The following AASDHPPT variants were observed in gnomAD, a reference collection of about 807,000 sequenced individuals.
AASDHPPT encodes L-aminoadipate-semialdehyde dehydrogenase-phosphopantetheinyl transferase.
Under a neutral mutation model 36.4 loss-of-function variants are expected in AASDHPPT, and 23 were observed. That is an observed-to-expected ratio of 0.63 (90% CI 0.45 to 0.89). AASDHPPT has a LOEUF of 0.89. AASDHPPT is among the 40% of genes least tolerant of loss of function. AASDHPPT has a pLI of 0.00. For missense variants in AASDHPPT, 377 were observed against 378.2 expected, an observed-to-expected ratio of 1.00 and a Z score of 0.03; for synonymous variants, 115 against 128.0, an observed-to-expected ratio of 0.90 and a Z score of 0.68.
At chr11:106,088,317 T>C (rs1861218257) in intron 2 of AASDHPPT, among the ~76,000 whole-genome samples, 1 of 152,002 alleles carries the variant, frequency 6.6e-6, no homozygotes, top group Non-Finnish European at 1.5e-5. Context: ...TTGGAGGTTA[T>C]AAAAATAAAA....
intron 5 of AASDHPPT, 93 bp downstream of exon 5, chr11:106,094,747 GT>G: frequency 1.1e-6 from 1 of 922,916 alleles, no homozygotes; most frequent in Non-Finnish European, 1.6e-6. Flanking sequence ...CCTTATATCA[GT>G]TTAGAGAGAT....
At chr11:106,096,590 AAT>A in intron 5 of AASDHPPT, 151 bp from the exon 6 acceptor site, 1 of 526,850 alleles carries the variant, frequency 1.9e-6, no homozygotes, top group Non-Finnish European at 3.1e-6. Context: ...TGGCAACACT[AAT>A]ATAAGAAATA....
chr11:106,095,402 A>G (rs57272976), intron 5 of AASDHPPT, among the ~76,000 whole-genome samples: 2,876 of 152,280 alleles, frequency 0.019, 90 homozygotes, highest in African/African-American at 0.065. Flanking sequence ...TACAGTGTCA[A>G]ACATGTAAGA....
chr11:106,097,500 AAC>A lies in AASDHPPT; in HGVS notation c.*597_*598del, dbSNP rs1312170811. The A allele has an allele frequency of 6.6e-6, 1 of 152,436 alleles. No individual in the cohort carries two copies. The highest frequency in any genetic ancestry group is 2.4e-5 in the African/African-American group (1 of 41,450). 9.4% of individuals were successfully genotyped at this position (152,436 alleles called of 1,614,324 possible). ...AGTAACCTAGGAAATTGTTTGACAT[AAC>A]ACAGGGTTCAGGGGTGTCATTAAAG... is the stretch of plus-strand genomic sequence containing the variant. On this transcript the variant is annotated 3_prime_UTR_variant, in exon 6 of 6. Transcript: ENST00000278618.
chr11:106,079,727 G>C (rs771706564), intron 2 of AASDHPPT, 35 bp downstream of exon 2: 2 of 1,548,054 alleles, frequency 1.3e-6, no homozygotes, highest in Non-Finnish European at 1.8e-6. Flanking sequence ...GCAGTTAAGT[G>C]TCTCGATGCC....
In AASDHPPT at chr11:106,085,315, G is replaced by A. The variant is rs182218260; in HGVS notation, c.410-5242G>A. Among the ~76,000 whole-genome samples the A allele has an allele frequency of 7.7e-3, 1,168 of 151,748 alleles. 21 individuals carry two copies. Among genetic ancestry groups the A allele is most frequent in the African/African-American group, 0.027 (1,100 of 41,356 alleles). On this transcript the variant is annotated intron_variant, in intron 2 of 5. Transcript: ENST00000278618. ...ATGGGGTTTCACTGTGTTAGCCAGG[G>A]TGGTCTTGATCTCCTGACCTCGTGA...
Position 106,080,549 on chromosome 11 carries a change from A to G in AASDHPPT, c.409+857A>G, listed in dbSNP as rs111668068. On this transcript the variant is annotated intron_variant, in intron 2 of 5. Transcript: ENST00000278618. ...ATACAGGTTCTCTTAACTGCTGTAT[A>G]TTTGTCATCATCACTAACATTTAAT... Among the ~76,000 whole-genome samples the G allele has an allele frequency of 1.0e-2, 1,521 of 152,284 alleles. 17 individuals carry two copies. Among genetic ancestry groups the G allele is most frequent in the Middle Eastern group, 0.031 (9 of 292 alleles).
chr11:106,084,534 G>C (rs1861177531), intron 2 of AASDHPPT, among the ~76,000 whole-genome samples: 1 of 152,134 alleles, frequency 6.6e-6, no homozygotes, highest in Admixed American at 6.5e-5. Context: ...CTGGGCTCAA[G>C]TGATCTGCCT....
intron 2 of AASDHPPT, among the ~76,000 whole-genome samples, chr11:106,085,226 A>G (rs976154247): frequency 6.6e-6 from 1 of 152,068 alleles, no homozygotes; most frequent in African/African-American, 2.4e-5. Flanking sequence ...CTCAGCCTCC[A>G]GAGTAGCTGG....
In AASDHPPT at chr11:106,090,616, T is replaced by C. The variant is rs1376501944; in HGVS notation, c.469T>C (p.Trp157Arg). ...GAAAAGAAAGTTTACCAACAAAGAA[T>C]GGGAAACAATCAGAAGCTTTAAGGA... is the stretch of plus-strand genomic sequence containing the variant. ...IMKRKFTNKEWETIRSFKDEW... is the reference protein window; with the variant it reads ...IMKRKFTNKERETIRSFKDEW... The change falls in exon 3 of 6, where the codon TGG (tryptophan) becomes CGG (arginine). Residue 157 changes from tryptophan to arginine, a missense_variant. Coordinates refer to ENST00000278618, the MANE Select transcript of AASDHPPT (RefSeq NM_015423.3). 1.2e-6 allele frequency: 2 copies of C among 1,603,358 alleles called. No homozygotes were observed. Among genetic ancestry groups the C allele is most frequent in the South Asian group, 1.1e-5 (1 of 88,684 alleles).
chr11:106,089,599 A>G (rs1861233685), intron 2 of AASDHPPT: 2 of 152,056 alleles, frequency 1.3e-5, no homozygotes, highest in South Asian at 2.1e-4. Flanking sequence ...ATTTACTTTT[A>G]ATATTAGTTG....
At chr11:106,078,171 G>A (rs935816926) in intron 1 of AASDHPPT, among the ~76,000 whole-genome samples, 45 of 152,238 alleles carry the variant, frequency 3.0e-4, no homozygotes, top group African/African-American at 1.1e-3. Flanking sequence ...CATGAAATAA[G>A]TGTAGGGAAG....
chr11:106,095,737 C>G (rs1271241991), intron 5 of AASDHPPT: 1 of 152,280 alleles, frequency 6.6e-6, no homozygotes, highest in East Asian at 1.9e-4. Flanking sequence ...TACGAGTTCT[C>G]CATAGATTAT....
rs749517181 is a variant in AASDHPPT at position 106,096,454 on chromosome 11, T to C, written c.766-289T>C. The C allele has an allele frequency of 4.4e-5, 10 of 228,512 alleles. No homozygotes were observed. The South Asian group carries it at 6.9e-4, about 16-fold the overall frequency. 14.2% of individuals were successfully genotyped at this position (228,512 alleles called of 1,614,324 possible). A position where few individuals can be genotyped will look rare whatever the true frequency, so the allele number is the denominator to read the frequency against. On this transcript the variant is annotated intron_variant, in intron 5 of 5. Coordinates refer to ENST00000278618, the MANE Select transcript of AASDHPPT (RefSeq NM_015423.3). ...ATTTTGATATCCCTTCTAACTGATA[T>C]GTAGTAAATCACACTTTTTGGATGT...
At chr11:106,079,050 A>T (rs1030458995) in intron 1 of AASDHPPT, among the ~76,000 whole-genome samples, 1 of 152,236 alleles carries the variant, frequency 6.6e-6, no homozygotes, top group Non-Finnish European at 1.5e-5. Context: ...AATATGCTAC[A>T]GTTAAAACTG....
At chr11:106,090,454 C>A in intron 2 of AASDHPPT, 103 bp from the exon 3 acceptor site, 1 of 885,646 alleles carries the variant, frequency 1.1e-6, no homozygotes, top group Non-Finnish European at 1.6e-6. Context: ...TATGGTTGCC[C>A]TTTAGATCTT....
intron 1 of AASDHPPT, 96 bp downstream of exon 1, chr11:106,077,989 GA>G: frequency 7.0e-7 from 1 of 1,437,762 alleles, no homozygotes; most frequent in South Asian, 1.3e-5. Flanking sequence ...CGCTGGCCGC[GA>G]CCCTCTCGCT....
chr11:106,082,288 T>C (rs1861152332), intron 2 of AASDHPPT, among the ~76,000 whole-genome samples: 1 of 152,320 alleles, frequency 6.6e-6, no homozygotes, highest in Non-Finnish European at 1.5e-5. Flanking sequence ...GGACACAGCA[T>C]GATTTCTTAA....
At position 106,079,975 on chromosome 11, in the gene AASDHPPT, A is replaced by G. The variant is rs148000237; in HGVS notation, c.409+283A>G. Among the ~76,000 whole-genome samples the G allele has an allele frequency of 7.6e-3, 1,157 of 152,328 alleles. 21 individuals carry two copies. Among genetic ancestry groups the G allele is most frequent in the African/African-American group, 0.026 (1,091 of 41,574 alleles). ...GAAATTTTTTTTGAATTATACTTCA[A>G]TTTATTTCACTTAAACATTAACCAC... is the stretch of plus-strand genomic sequence containing the variant. On this transcript the variant is annotated intron_variant, in intron 2 of 5. Coordinates refer to ENST00000278618, the MANE Select transcript of AASDHPPT (RefSeq NM_015423.3).
Sources: allele counts gnomAD v4.1 joint callset (sites outside exome capture counted in the v4.1 genomes callset), GRCh38; gene constraint gnomAD v4.1.1; transcripts MANE v1.5; gene names NCBI Gene and HGNC (gene_info 2026-07-23, HGNC 2026-07-21).